The following TJP2 variants were observed in gnomAD, a reference collection of about 807,000 sequenced individuals.
The protein encoded by TJP2 is tight junction protein 2.
TJP2 carries 91 observed loss-of-function variants against 133.1 expected under a neutral mutation model. The ratio of observed to expected loss-of-function variants is 0.68; its 90% CI spans 0.58 to 0.81. The LOEUF (loss-of-function observed/expected upper bound fraction) is 0.81, where lower values mean the gene tolerates loss of function less well. TJP2 is among the 40% of genes least tolerant of loss of function. The pLI, the probability that TJP2 is intolerant of heterozygous loss-of-function variation, is 0.00. For missense variants in TJP2, 1,541 were observed against 1,565.6 expected, an observed-to-expected ratio of 0.98 and a Z score of 0.26; for synonymous variants, 592 against 583.4, an observed-to-expected ratio of 1.01 and a Z score of -0.21.
intron 1 of TJP2, among the ~76,000 whole-genome samples, chr9:69,175,104 G>A (rs1014974902): frequency 6.6e-6 from 1 of 152,124 alleles, no homozygotes; most frequent in African/African-American, 2.4e-5. Flanking sequence ...CTACCACAGG[G>A]TTTTAACATT....
intron 1 of TJP2, among the ~76,000 whole-genome samples, chr9:69,135,424 G>T (rs1438226485): frequency 6.6e-6 from 1 of 151,882 alleles, no homozygotes; most frequent in African/African-American, 2.4e-5. Flanking sequence ...TGCTTCTAGG[G>T]TCTAGGATTT....
chr9:69,148,112 C>T (rs749602255), intron 1 of TJP2, among the ~76,000 whole-genome samples: 5 of 151,790 alleles, frequency 3.3e-5, no homozygotes, highest in Non-Finnish European at 7.4e-5. Flanking sequence ...TTAGTGGACA[C>T]GGGGTTTCTC....
intron 2 of TJP2, among the ~76,000 whole-genome samples, chr9:69,160,997 C>T (rs1179154474): frequency 6.6e-6 from 1 of 152,098 alleles, no homozygotes; most frequent in Non-Finnish European, 1.5e-5. Flanking sequence ...TGGAGACTAA[C>T]AGGTAGGTGA....
At chr9:69,225,893 A>G in intron 6 of TJP2, 129 bp from the exon 7 acceptor site, 1 of 951,042 alleles carries the variant, frequency 1.1e-6, no homozygotes, top group East Asian at 2.6e-5. Context: ...ATTTTTATTG[A>G]GTCATCCTAA....
chr9:69,225,488 G>A, intron 6 of TJP2, 81 bp downstream of exon 6: 3 of 910,774 alleles, frequency 3.3e-6, no homozygotes, highest in Admixed American at 1.9e-5. Flanking sequence ...CCCACACAGT[G>A]AGACTTAGAT....
At chr9:69,217,147 C>T (rs1828451336) in intron 3 of TJP2, among the ~76,000 whole-genome samples, 1 of 152,024 alleles carries the variant, frequency 6.6e-6, no homozygotes, top group African/African-American at 2.4e-5. Flanking sequence ...CCTGCCACCA[C>T]TCCCAGCTAA....
intron 1 of TJP2, among the ~76,000 whole-genome samples, chr9:69,140,494 G>A (rs1822973551): frequency 6.6e-6 from 1 of 152,162 alleles, no homozygotes; most frequent in South Asian, 2.1e-4. Context: ...GGGATCATGT[G>A]AACTACTCTC....
intron 16 of TJP2, 148 bp downstream of exon 16, chr9:69,238,937 C>T (rs1035625169): frequency 1.4e-6 from 1 of 738,498 alleles, no homozygotes; most frequent in Non-Finnish European, 2.4e-6. Flanking sequence ...CCTGTAATCC[C>T]AACACTTTGA....
intron 1 of TJP2, among the ~76,000 whole-genome samples, chr9:69,151,337 C>T (rs1044238845): frequency 2.6e-5 from 4 of 152,092 alleles, no homozygotes; most frequent in South Asian, 2.1e-4. Flanking sequence ...CAAAATTAGC[C>T]GGGCGTGGTG....
intron 1 of TJP2, among the ~76,000 whole-genome samples, chr9:69,212,202 A>G (rs1827970510): frequency 6.6e-6 from 1 of 152,190 alleles, no homozygotes; most frequent in Non-Finnish European, 1.5e-5. Flanking sequence ...GGGGAGAATG[A>G]TTTTAAAAAA....
rs185392751 is a variant in TJP2 at position 69,236,687 on chromosome 9, A to G, written c.1992-262A>G. ...TTGAGCAGGAGTTCCAGGTGTGTGT[A>G]CTGTGTACCTGCATATCAGAATGGG... On this transcript the variant is annotated intron_variant, in intron 13 of 22. Transcript: ENST00000377245. Among the ~76,000 whole-genome samples the G allele has an allele frequency of 2.2e-3, 329 of 152,196 alleles. 1 individual carries two copies. The highest frequency in any genetic ancestry group is 3.9e-3 in the Non-Finnish European group (263 of 68,010).
In TJP2 at chr9:69,124,044, AT is replaced by A. The variant is rs1328391080; in HGVS notation, c.-131+2327del. Among the ~76,000 whole-genome samples, 2 of 67,788 alleles carry A rather than the reference AT, an allele frequency of 3.0e-5. 1 individual carries two copies. Among genetic ancestry groups the A allele is most frequent in the Non-Finnish European group, 6.6e-5 (2 of 30,110 alleles). The allele number at this position is 67,788 out of a possible 152,430, so 44.5% of individuals were successfully genotyped here. ...CACCACGCCCGGCTAATTTTTTTGA[AT>A]TTTTTTTCTTTTTTTTAGTAGAGAC... On this transcript the variant is annotated intron_variant, in intron 1 of 5. Transcript: ENST00000423935.
At chr9:69,132,368 C>T (rs1231149372) in intron 1 of TJP2, among the ~76,000 whole-genome samples, 1 of 152,156 alleles carries the variant, frequency 6.6e-6, no homozygotes, top group African/African-American at 2.4e-5. Flanking sequence ...AACAGTCAGG[C>T]TTGCTATGTT....
chr9:69,248,134 C>T lies in TJP2; in HGVS notation c.2790C>T (p.Gly930=), dbSNP rs189082774. The change falls in exon 19 of 23, where the codon GGC becomes GGT. Residue 930 remains glycine, a synonymous_variant. Coordinates refer to ENST00000377245, the MANE Select transcript of TJP2 (RefSeq NM_004817.4). ...SDFEDTDGEG[G]AYTDNELDEP... ...TTGAAGACACGGACGGTGAAGGAGG[C>T]GCCTACACTGACAATGAGCTGGATG... 4.3e-6 allele frequency: 7 copies of T among 1,614,046 alleles called. No homozygotes were observed. Among genetic ancestry groups the T allele is most frequent in the African/African-American group, 2.7e-5 (2 of 74,908 alleles).
intron 2 of TJP2, among the ~76,000 whole-genome samples, chr9:69,157,916 T>G (rs1314793749): frequency 6.6e-6 from 1 of 152,164 alleles, no homozygotes. Flanking sequence ...AAGCATAGCA[T>G]GTAGATGAGT....
chr9:69,190,134 TCTC>T (rs1309226007), intron 1 of TJP2, among the ~76,000 whole-genome samples: 1 of 151,904 alleles, frequency 6.6e-6, no homozygotes, highest in Non-Finnish European at 1.5e-5. Flanking sequence ...CAAACAAACT[TCTC>T]CTGTAGCAGT....
chr9:69,178,441 G>A lies in TJP2; in HGVS notation c.60+4009G>A, dbSNP rs375144477. On this transcript the variant is annotated intron_variant, in intron 1 of 22. Coordinates refer to ENST00000377245, the MANE Select transcript of TJP2 (RefSeq NM_004817.4). ...TCAACTCTGGGAATGAGTAATATGA[G>A]GCTAAGGCAAAAATGGTAAAGCTAG... 5.1e-4 allele frequency among the ~76,000 whole-genome samples: 77 copies of A among 152,278 alleles called. 2 individuals carry two copies. In the South Asian group the frequency reaches 0.016, roughly 31 times the overall value.
At chr9:69,241,880 C>T (rs1355612616) in intron 17 of TJP2, among the ~76,000 whole-genome samples, 2 of 152,112 alleles carry the variant, frequency 1.3e-5, no homozygotes, top group Non-Finnish European at 1.5e-5. Context: ...TATTCTAATC[C>T]CAAAAGGGGT....
At chr9:69,165,796 C>T (rs1277151446) in intron 2 of TJP2, among the ~76,000 whole-genome samples, 1 of 152,142 alleles carries the variant, frequency 6.6e-6, no homozygotes, top group Non-Finnish European at 1.5e-5. Flanking sequence ...AGAAGTGCTC[C>T]CTCCTCCATG....
Sources: gnomAD v4.1 joint callset for allele counts (sites outside exome capture counted in the v4.1 genomes callset) on GRCh38, gnomAD v4.1.1 for gene constraint, MANE v1.5 for transcripts, NCBI Gene and HGNC (gene_info 2026-07-23, HGNC 2026-07-21) for gene names.